Variants in EXOC6B observed in about 807,000 individuals in gnomAD.
The protein encoded by EXOC6B is SEC15 homolog B.
A neutral mutation model predicts 113.5 loss-of-function variants in EXOC6B; 54 were observed. The observed-to-expected ratio is 0.48, with a 90% CI of 0.38 to 0.60. EXOC6B has a LOEUF of 0.60. Among genes scored for constraint, EXOC6B ranks in the 20% least tolerant of loss-of-function variants. The probability of loss-of-function intolerance (pLI) is 0.00; values close to 1 mark genes in which losing one functional copy is unlikely to be tolerated. For synonymous variants in EXOC6B, 357 were observed against 339.0 expected (o/e 1.05, Z -0.58); for missense variants, 797 against 977.5 (o/e 0.82, Z 2.46).
intron 6 of EXOC6B, among the ~76,000 whole-genome samples, chr2:72,632,866 G>GTTAAAA (rs1672570098): frequency 6.6e-6 from 1 of 151,880 alleles, no homozygotes; most frequent in African/African-American, 2.4e-5. Flanking sequence ...ATATTTGATA[G>GTTAAAA]AGTTTGAGTC....
rs1181663860 is a variant in EXOC6B at position 72,237,804 on chromosome 2, G to T, written c.2197-53617C>A. On this transcript the variant is annotated intron_variant, in intron 20 of 21. Coordinates refer to ENST00000272427, the MANE Select transcript of EXOC6B (RefSeq NM_015189.3). ...TTGGAGGCTGCTGACTTGAAGTGTG[G>T]ATGGAGAAGAGGCAAGAGAGAGCCA... Among the ~76,000 whole-genome samples the T allele has an allele frequency of 2.6e-5, 4 of 152,164 alleles. No individual in the cohort carries two copies. In the East Asian group the frequency reaches 7.7e-4, roughly 29 times the overall value.
At chr2:72,490,421 T>C (rs909561478) in intron 16 of EXOC6B, among the ~76,000 whole-genome samples, 5 of 152,174 alleles carry the variant, frequency 3.3e-5, no homozygotes, top group African/African-American at 1.2e-4. Flanking sequence ...CCACAAATGT[T>C]ACCTATTATG....
At chr2:72,300,251 G>C (rs1472553290) in intron 20 of EXOC6B, among the ~76,000 whole-genome samples, 2 of 152,190 alleles carry the variant, frequency 1.3e-5, no homozygotes, top group African/African-American at 4.8e-5. Context: ...AGGCAGTCTG[G>C]CCGCAGTGGC....
chr2:72,262,252 A>C (rs1051958015), intron 20 of EXOC6B, among the ~76,000 whole-genome samples: 2 of 152,008 alleles, frequency 1.3e-5, no homozygotes, highest in Non-Finnish European at 2.9e-5. Context: ...AAAGGAAAAC[A>C]AGATGTATCT....
intron 6 of EXOC6B, among the ~76,000 whole-genome samples, chr2:72,695,169 T>A (rs758061051): frequency 6.6e-6 from 1 of 152,166 alleles, no homozygotes; most frequent in Non-Finnish European, 1.5e-5. Flanking sequence ...TCTGGCTACA[T>A]GGAAGAAGAA....
chr2:72,534,439 G>A (rs1417083831), intron 8 of EXOC6B, among the ~76,000 whole-genome samples: 2 of 151,952 alleles, frequency 1.3e-5, no homozygotes, highest in Non-Finnish European at 1.5e-5. Context: ...TATGTTTCAG[G>A]TTTAAAAGGC....
chr2:72,674,588 T>C (rs1030904784), intron 6 of EXOC6B, among the ~76,000 whole-genome samples: 3 of 152,232 alleles, frequency 2.0e-5, no homozygotes, highest in Admixed American at 1.3e-4. Context: ...TCCAAGCACT[T>C]TGGGAGGCCG....
chr2:72,648,153 T>C (rs1673880299), intron 6 of EXOC6B, among the ~76,000 whole-genome samples: 1 of 152,206 alleles, frequency 6.6e-6, no homozygotes, highest in East Asian at 1.9e-4. Flanking sequence ...AGAAGACATT[T>C]ATGCAGCCAA....
rs190747064 is a variant in EXOC6B at position 72,275,288 on chromosome 2, T to C, written c.2196+59659A>G. ...AATGCTAAGTTACTGCTGTAGGGTTTTACCTACCTCATTTTGAATAGTTCC... is the reference window on the plus strand; with the variant it reads ...AATGCTAAGTTACTGCTGTAGGGTTCTACCTACCTCATTTTGAATAGTTCC... On this transcript the variant is annotated intron_variant, in intron 20 of 21. Transcript: ENST00000272427. Among the ~76,000 whole-genome samples, 118 of 152,302 alleles carry C rather than the reference T, an allele frequency of 7.7e-4. 3 individuals carry two copies. The highest frequency in any genetic ancestry group is 7.7e-3 in the Admixed American group (118 of 15,282).
At chr2:72,361,766 G>T (rs1163551101) in intron 19 of EXOC6B, among the ~76,000 whole-genome samples, 4 of 152,100 alleles carry the variant, frequency 2.6e-5, no homozygotes, top group African/African-American at 9.7e-5. Flanking sequence ...AGTCAGAGGA[G>T]AGTCAGCTAT....
At chr2:72,389,100 T>C (rs1442108958) in intron 18 of EXOC6B, among the ~76,000 whole-genome samples, 2 of 152,106 alleles carry the variant, frequency 1.3e-5, no homozygotes, top group African/African-American at 4.8e-5. Flanking sequence ...ATGTTGATCT[T>C]AGTTGTCTTT....
chr2:72,270,880 G>A lies in EXOC6B; in HGVS notation c.2196+64067C>T, dbSNP rs548622214. ...TGGTTCCTTCCCTAGGGAAATAGGT[G>A]GCAGAAAATTTCTAAAGTAATCTAA... On this transcript the variant is annotated intron_variant, in intron 20 of 21. Transcript: ENST00000272427. 1.1e-4 allele frequency among the ~76,000 whole-genome samples: 16 copies of A among 152,142 alleles called. No homozygotes were observed. In the East Asian group the frequency reaches 2.3e-3, roughly 22 times the overall value.
intron 1 of EXOC6B, among the ~76,000 whole-genome samples, chr2:72,752,557 C>T (rs1682125713): frequency 6.6e-6 from 1 of 151,010 alleles, no homozygotes; most frequent in South Asian, 2.1e-4. Context: ...CACTCTCTCT[C>T]TCTCTCTCTC....
intron 18 of EXOC6B, among the ~76,000 whole-genome samples, chr2:72,391,270 G>A (rs912479111): frequency 1.3e-5 from 2 of 151,926 alleles, no homozygotes; most frequent in South Asian, 2.1e-4. Flanking sequence ...TACTGTGGCC[G>A]GTAGTGGCTA....
At chr2:72,495,823 C>T (rs1214188724) in intron 14 of EXOC6B, among the ~76,000 whole-genome samples, 1 of 151,974 alleles carries the variant, frequency 6.6e-6, no homozygotes, top group African/African-American at 2.4e-5. Flanking sequence ...ACAATTTGGA[C>T]GAATCTCAAA....
intron 19 of EXOC6B, among the ~76,000 whole-genome samples, chr2:72,335,811 T>G (rs1385996285): frequency 6.6e-6 from 1 of 152,136 alleles, no homozygotes; most frequent in African/African-American, 2.4e-5. Context: ...CAATTCAATC[T>G]TAGCCTGAAG....
intron 18 of EXOC6B, among the ~76,000 whole-genome samples, chr2:72,384,209 CTA>C (rs1225706377): frequency 6.6e-6 from 1 of 151,938 alleles, no homozygotes; most frequent in African/African-American, 2.4e-5. Flanking sequence ...GTGTGAGACT[CTA>C]TAGCTTTTCA....
intron 8 of EXOC6B, among the ~76,000 whole-genome samples, chr2:72,551,419 A>G (rs574223538): frequency 6.6e-6 from 1 of 152,076 alleles, no homozygotes; most frequent in Admixed American, 6.5e-5. Flanking sequence ...GATGGTCTCG[A>G]TCTCTTGACC....
intron 20 of EXOC6B, among the ~76,000 whole-genome samples, chr2:72,302,059 A>G (rs57270251): frequency 0.35 from 53,685 of 152,102 alleles, 15,125 homozygotes; most frequent in African/African-American, 0.79. Flanking sequence ...ATTAGCTTCA[A>G]ATAAATTCTT....
Sources: gnomAD v4.1 joint callset for allele counts (sites outside exome capture counted in the v4.1 genomes callset) on GRCh38, gnomAD v4.1.1 for gene constraint, MANE v1.5 for transcripts, NCBI Gene and HGNC (gene_info 2026-07-23, HGNC 2026-07-21) for gene names.